PAPPA: variants seen among roughly 807,000 people sequenced by gnomAD.
The protein encoded by PAPPA is pappalysin-1.
A neutral mutation model predicts 164.0 loss-of-function variants in PAPPA; 60 were observed. That is an observed-to-expected ratio of 0.37 (90% CI 0.30 to 0.45). The LOEUF (loss-of-function observed/expected upper bound fraction) is 0.45. Ranked by LOEUF, PAPPA falls within the 20% of genes least tolerant of loss-of-function variation. PAPPA has a pLI of 1.00. For missense variants in PAPPA, 1,782 were observed against 2,087.3 expected (o/e 0.85, Z 2.85); for synonymous variants, 875 against 814.1 (o/e 1.07, Z -1.27).
intron 19 of PAPPA, 132 bp from the exon 20 acceptor site, chr9:116,377,444 A>G: frequency 1.6e-6 from 1 of 623,650 alleles, no homozygotes; most frequent in Non-Finnish European, 2.9e-6. Context: ...CAAGTTCTCC[A>G]TGTAAAAGCC....
Position 116,195,310 on chromosome 9 carries a change from C to G in PAPPA, c.1478+7094C>G, listed in dbSNP as rs973611421. 2.0e-5 allele frequency among the ~76,000 whole-genome samples: 3 copies of G among 151,892 alleles called. No individual in the cohort carries two copies. In the East Asian group the frequency reaches 5.8e-4, roughly 29 times the overall value. ...ATCTGTGAGACTTGCACACATATAA[C>G]TTTGGTCTTAAGAGCAGAATAGAGG... is the stretch of plus-strand genomic sequence containing the variant. On this transcript the variant is annotated intron_variant, in intron 2 of 21. Coordinates refer to ENST00000328252, the MANE Select transcript of PAPPA (RefSeq NM_002581.5).
intron 1 of PAPPA, among the ~76,000 whole-genome samples, chr9:116,167,739 A>G (rs74811702): frequency 0.012 from 1,752 of 152,326 alleles, 42 homozygotes; most frequent in African/African-American, 0.041. Context: ...AAGCCTTGAT[A>G]GAGCCAATAT....
chr9:116,253,646 C>T (rs1413254015), intron 7 of PAPPA, among the ~76,000 whole-genome samples: 2 of 152,056 alleles, frequency 1.3e-5, no homozygotes, highest in Non-Finnish European at 2.9e-5. Flanking sequence ...CAGAGTAATA[C>T]TCAGACAAAA....
Position 116,211,889 on chromosome 9 carries a change from T to C in PAPPA, c.1875T>C (p.His625=), listed in dbSNP as rs2118685673. Residue 625 remains histidine, a synonymous_variant, in exon 4 of 22, where the codon CAT becomes CAC. Coordinates refer to ENST00000328252, the MANE Select transcript of PAPPA (RefSeq NM_002581.5). The part of the protein sequence containing the change: ...PGPGNDTCGF[H]SFFNTPYNNF... ...CAGGAAATGACACCTGTGGCTTTCATAGCTTCTTCAACACTCCTTACAACA... is the reference window on the plus strand; with the variant it reads ...CAGGAAATGACACCTGTGGCTTTCACAGCTTCTTCAACACTCCTTACAACA... The C allele has an allele frequency of 6.2e-7, 1 of 1,614,128 alleles. No individual in the cohort carries two copies. The highest frequency in any genetic ancestry group is 8.5e-7 in the Non-Finnish European group (1 of 1,180,002).
At chr9:116,385,780 G>C (rs749227108) in intron 21 of PAPPA, among the ~76,000 whole-genome samples, 3 of 152,200 alleles carry the variant, frequency 2.0e-5, no homozygotes, top group African/African-American at 7.2e-5. Flanking sequence ...CATCCAATGC[G>C]GTGAATCTCC....
chr9:116,220,001 G>T lies in PAPPA; in HGVS notation c.1983G>T (p.Leu661=). The T allele has an allele frequency of 6.2e-7, 1 of 1,614,086 alleles. No individual in the cohort carries two copies. Among genetic ancestry groups the T allele is most frequent in the Non-Finnish European group, 8.5e-7 (1 of 1,180,006 alleles). The change falls in exon 5 of 22, where the codon CTG becomes CTT. Residue 661 remains leucine (L), a synonymous_variant. Coordinates refer to ENST00000328252, the MANE Select transcript of PAPPA (RefSeq NM_002581.5). ...QVARMHCYLD[L]VYQGWQPSRK... is the part of the protein sequence containing the mutation. ...CCAGAATGCACTGTTACCTGGACCT[G>T]GTCTACCAGGGCTGGCAGCCCTCCA...
chr9:116,195,533 G>C (rs999602724), intron 2 of PAPPA, among the ~76,000 whole-genome samples: 5 of 152,204 alleles, frequency 3.3e-5, no homozygotes, highest in African/African-American at 1.2e-4. Flanking sequence ...CTCTTCCTTT[G>C]TCAAAGACTC....
chr9:116,269,396 CTGTTATA>C (rs2118821860), intron 8 of PAPPA, among the ~76,000 whole-genome samples: 1 of 152,280 alleles, frequency 6.6e-6, no homozygotes, highest in South Asian at 2.1e-4. Context: ...TGCATGCTGT[CTGTTATA>C]TCCTAGGCAC....
chr9:116,332,739 C>T, intron 12 of PAPPA: 1 of 320,180 alleles, frequency 3.1e-6, no homozygotes, highest in Non-Finnish European at 5.8e-6. Flanking sequence ...TATTATTCCC[C>T]ACAGACCCCA....
intron 6 of PAPPA, among the ~76,000 whole-genome samples, chr9:116,230,166 C>G (rs994704746): frequency 2.6e-5 from 4 of 152,120 alleles, no homozygotes; most frequent in East Asian, 1.9e-4. Flanking sequence ...ACATGTGCAC[C>G]AGGAAAAGAC....
At chr9:116,287,295 G>C (rs1845351949) in intron 9 of PAPPA, 1 of 152,218 alleles carries the variant, frequency 6.6e-6, no homozygotes, top group Non-Finnish European at 1.5e-5. Context: ...GGAAGCGGAT[G>C]ATGGTATAGG....
chr9:116,390,064 C>T (rs1364224327), intron 21 of PAPPA, among the ~76,000 whole-genome samples: 1 of 152,140 alleles, frequency 6.6e-6, no homozygotes, highest in African/African-American at 2.4e-5. Flanking sequence ...TAGGGTATTA[C>T]CTGCTGTGTG....
At chr9:116,234,984 A>T (rs1587964869) in intron 6 of PAPPA, among the ~76,000 whole-genome samples, 155 bp from the exon 7 acceptor site, 1 of 152,178 alleles carries the variant, frequency 6.6e-6, no homozygotes, top group Non-Finnish European at 1.5e-5. Context: ...TGCTGTGTGT[A>T]TAGCAGATTC....
intron 10 of PAPPA, among the ~76,000 whole-genome samples, chr9:116,310,933 C>G (rs1395315192): frequency 6.6e-6 from 1 of 152,056 alleles, no homozygotes; most frequent in African/African-American, 2.4e-5. Flanking sequence ...AAGGATGAGA[C>G]AGTTGATCTA....
At chr9:116,282,243 C>T (rs932751265) in intron 9 of PAPPA, among the ~76,000 whole-genome samples, 17 of 152,176 alleles carry the variant, frequency 1.1e-4, no homozygotes, top group Admixed American at 1.1e-3. Flanking sequence ...CTTCTAATAC[C>T]TAATACAATG....
In PAPPA at chr9:116,334,864, T is replaced by A. The variant is rs758313761; in HGVS notation, c.3401T>A (p.Leu1134His). 6.2e-7 allele frequency: 1 copy of A among 1,613,424 alleles called. No individual in the cohort carries two copies. Among genetic ancestry groups the A allele is most frequent in the Non-Finnish European group, 8.5e-7 (1 of 1,179,414 alleles). Residue 1134 changes from leucine to histidine, a missense_variant, in exon 13 of 22, where the codon CTC becomes CAC. Physicochemically the swap from Leu to His is moderately conservative, Grantham distance 99. Coordinates refer to ENST00000328252, the MANE Select transcript of PAPPA (RefSeq NM_002581.5). ...GCCCCTCTGTCTCCCCTGACAGGCC[T>A]CCATGTCCTGAGCTGCAGGAACAAT... is the stretch of plus-strand genomic sequence containing the variant. ...DTKDQSHDLG[L>H]HVLSCRNNPL... is the part of the protein sequence containing the mutation.
intron 1 of PAPPA, among the ~76,000 whole-genome samples, chr9:116,159,739 C>T (rs1468014317): frequency 6.6e-6 from 1 of 152,142 alleles, no homozygotes; most frequent in Admixed American, 6.5e-5. Flanking sequence ...GGGAAAGCAC[C>T]TCCCATTTTT....
At chr9:116,345,454 CAT>C (rs1846195680) in intron 14 of PAPPA, among the ~76,000 whole-genome samples, 1 of 137,022 alleles carries the variant, frequency 7.3e-6, no homozygotes, top group African/African-American at 2.7e-5. Flanking sequence ...AAAAAAAAAA[CAT>C]GCCACAGATT....
Position 116,235,536 on chromosome 9 carries a change from C to A in PAPPA, c.2631C>A (p.Leu877=). 1 of 1,613,642 alleles carries A rather than the reference C, an allele frequency of 6.2e-7. No individual in the cohort carries two copies. Among genetic ancestry groups the A allele is most frequent in the East Asian group, 2.2e-5 (1 of 44,866 alleles). ...TGACCTCCACTGCAGACACCCCACT[C>A]TGTCTACAGTGTAAGCCCCTGAAGT... is the stretch of plus-strand genomic sequence containing the variant. ...AMLTSTADTP[L]CLQCKPLKYK... is the part of the protein sequence containing the mutation. The change falls in exon 7 of 22, where the codon CTC becomes CTA. Residue 877 remains leucine (L), a synonymous_variant. Transcript: ENST00000328252.
Sources: gnomAD v4.1 joint callset for allele counts (sites outside exome capture counted in the v4.1 genomes callset) on GRCh38, gnomAD v4.1.1 for gene constraint, MANE v1.5 for transcripts, NCBI Gene and HGNC (gene_info 2026-07-23, HGNC 2026-07-21) for gene names.